Variants in PPCDC observed in about 807,000 individuals in gnomAD.
PPCDC encodes phosphopantothenoylcysteine decarboxylase.
Under a neutral mutation model 20.7 loss-of-function variants are expected in PPCDC, and 20 were observed. The ratio of observed to expected loss-of-function variants is 0.97; its 90% CI spans 0.68 to 1.41. PPCDC has a LOEUF of 1.41. Among genes scored for constraint, PPCDC ranks in the 40% most tolerant of loss-of-function variants. The pLI, the probability that PPCDC is intolerant of heterozygous loss-of-function variation, is 0.00. For missense variants in PPCDC, 246 were observed against 263.8 expected (o/e 0.93, Z 0.47); for synonymous variants, 88 against 100.3 (o/e 0.88, Z 0.73).
chr15:75,026,027 A>C (rs1462378365), intron 1 of PPCDC, among the ~76,000 whole-genome samples: 1 of 152,198 alleles, frequency 6.6e-6, no homozygotes, highest in Non-Finnish European at 1.5e-5. Context: ...ATTTCGGACT[A>C]TAGTGCCTGC....
chr15:75,042,790 AT>A (rs2066168909), intron 2 of PPCDC, among the ~76,000 whole-genome samples: 1 of 152,024 alleles, frequency 6.6e-6, no homozygotes, highest in Non-Finnish European at 1.5e-5. Flanking sequence ...TGCGTTAGTA[AT>A]TTCTTAGTGA....
intron 1 of PPCDC, 44 bp from the exon 2 acceptor site, chr15:75,028,203 G>A: frequency 7.3e-7 from 1 of 1,373,022 alleles, no homozygotes; most frequent in Non-Finnish European, 9.9e-7. Flanking sequence ...ATACATTCTG[G>A]TCGACTGTAT....
chr15:75,047,442 C>T (rs1426567568), intron 4 of PPCDC, among the ~76,000 whole-genome samples: 2 of 152,204 alleles, frequency 1.3e-5, no homozygotes, highest in Non-Finnish European at 2.9e-5. Context: ...GGGCATTGTT[C>T]TCTGGACTCC....
intron 2 of PPCDC, among the ~76,000 whole-genome samples, chr15:75,030,216 C>T (rs1285638903): frequency 1.3e-5 from 2 of 152,176 alleles, no homozygotes. Flanking sequence ...ATTCCTGCTG[C>T]CCATCCCCCA....
rs780732089 is a variant in PPCDC at position 75,043,566 on chromosome 15, C to T, written c.231+30C>T. Reference sequence around the variant, plus strand: ...GTGCTGGGGCCCCTGGGCTGAGTTCCATTGAGTTTCCACCAGCAGGACAGA... The same window carrying T: ...GTGCTGGGGCCCCTGGGCTGAGTTCTATTGAGTTTCCACCAGCAGGACAGA... On this transcript the variant is annotated intron_variant, in intron 3 of 5. Coordinates refer to ENST00000342932, the MANE Select transcript of PPCDC (RefSeq NM_021823.5). 6 of 1,540,968 alleles carry T rather than the reference C, an allele frequency of 3.9e-6. No homozygotes were observed. The Admixed American group carries it at 1.1e-4, about 28-fold the overall frequency.
intron 2 of PPCDC, among the ~76,000 whole-genome samples, chr15:75,028,924 G>A (rs2065989254): frequency 6.6e-6 from 1 of 152,148 alleles, no homozygotes; most frequent in South Asian, 2.1e-4. Context: ...CCCATTGTCT[G>A]AAGCTCTAGG....
Position 75,048,641 on chromosome 15 carries a change from C to G in PPCDC, c.449C>G (p.Ala150Gly). 1 of 1,614,250 alleles carries G rather than the reference C, an allele frequency of 6.2e-7. No individual in the cohort carries two copies. Among genetic ancestry groups the G allele is most frequent in the Non-Finnish European group, 8.5e-7 (1 of 1,180,044 alleles). The change falls in exon 5 of 6, where the codon GCG becomes GGG. Residue 150 changes from alanine to glycine, a missense_variant. Physicochemically the swap from Ala to Gly is moderately conservative, Grantham distance 60. Around this residue, in one of 2 missense-constraint regions of PPCDC, gnomAD observed 225 missense variants for 222.6 expected, o/e 1.01. Transcript: ENST00000342932. Reference protein sequence around the residue: ...NTAMWEHPITAQQVDQLKAFG... With the variant: ...NTAMWEHPITGQQVDQLKAFG... Reference sequence around the variant, plus strand: ...GCCATGTGGGAGCACCCGATCACAGCGCAGCAGGTAGACCAGCTCAAGGCC... The same window carrying G: ...GCCATGTGGGAGCACCCGATCACAGGGCAGCAGGTAGACCAGCTCAAGGCC...
chr15:75,041,190 A>G (rs894696035), intron 2 of PPCDC, among the ~76,000 whole-genome samples: 1 of 152,044 alleles, frequency 6.6e-6, no homozygotes, highest in Non-Finnish European at 1.5e-5. Flanking sequence ...TGCTCTCCCA[A>G]CCTGTGCTGG....
chr15:75,032,737 A>ACCCCC (rs2066039033), intron 2 of PPCDC, among the ~76,000 whole-genome samples: 1 of 20,496 alleles, frequency 4.9e-5, no homozygotes, highest in African/African-American at 1.1e-4. Context: ...CCCCCCCCCA[A>ACCCCC]GGCCAAATTC....
intron 1 of PPCDC, among the ~76,000 whole-genome samples, chr15:75,027,291 A>T (rs1375473129): frequency 6.6e-6 from 1 of 152,114 alleles, no homozygotes; most frequent in Non-Finnish European, 1.5e-5. Context: ...GTCCTCAGTG[A>T]TGGTTGCTGA....
rs1264323704 is a variant in PPCDC at position 75,050,375 on chromosome 15, A to G, written c.*1140A>G. Reference sequence around the variant, plus strand: ...CCCCCCAGTACACATGACCAAGGGAAGTAGATCCAGAGACACCATGCACTC... The same window carrying G: ...CCCCCCAGTACACATGACCAAGGGAGGTAGATCCAGAGACACCATGCACTC... On this transcript the variant is annotated 3_prime_UTR_variant, in exon 6 of 6. Coordinates refer to ENST00000342932, the MANE Select transcript of PPCDC (RefSeq NM_021823.5). 3 of 152,320 alleles carry G rather than the reference A, an allele frequency of 2.0e-5. No individual in the cohort carries two copies. Among genetic ancestry groups the G allele is most frequent in the African/African-American group, 4.8e-5 (2 of 41,478 alleles). 9.4% of individuals were successfully genotyped at this position (152,320 alleles called of 1,614,324 possible). A position where few individuals can be genotyped will look rare whatever the true frequency, so the allele number is the denominator to read the frequency against.
intron 4 of PPCDC, among the ~76,000 whole-genome samples, chr15:75,045,788 G>A (rs1266647905): frequency 6.6e-6 from 1 of 152,086 alleles, no homozygotes; most frequent in Admixed American, 6.5e-5. Context: ...GGAGGCTGAG[G>A]TGGGAGGGTC....
At chr15:75,038,743 AT>A (rs953724845) in intron 2 of PPCDC, among the ~76,000 whole-genome samples, 67 of 148,214 alleles carry the variant, frequency 4.5e-4, no homozygotes, top group East Asian at 2.8e-3. Flanking sequence ...ATTTAATTTA[AT>A]TTTTTTTTTG....
chr15:75,028,318 C>A lies in PPCDC; in HGVS notation c.-1C>A. 1 of 1,614,046 alleles carries A rather than the reference C, an allele frequency of 6.2e-7. No individual in the cohort carries two copies. Among genetic ancestry groups the A allele is most frequent in the African/African-American group, 1.3e-5 (1 of 75,034 alleles). ...CAGAACTTGAAGCCACCAGACCCCA[C>A]ATGGAACCAAAGGCCTCCTGTCCAG... On this transcript the variant is annotated 5_prime_UTR_variant, in exon 2 of 6. Coordinates refer to ENST00000342932, the MANE Select transcript of PPCDC (RefSeq NM_021823.5).
chr15:75,046,823 C>T (rs756463913), intron 4 of PPCDC, among the ~76,000 whole-genome samples: 5 of 152,260 alleles, frequency 3.3e-5, no homozygotes, highest in Admixed American at 2.0e-4. Context: ...CCTCCAGGCC[C>T]GTGTCCCTCT....
In PPCDC at chr15:75,030,943, A is replaced by G. The variant is rs1032655641; in HGVS notation, c.135+2490A>G. ...TGGTGGAGAGACATGGATTAGCCAC[A>G]AGCCACACACACCAGCAGTCAGGGA... On this transcript the variant is annotated intron_variant, in intron 2 of 5. Transcript: ENST00000342932. Among the ~76,000 whole-genome samples the G allele has an allele frequency of 4.6e-5, 7 of 152,268 alleles. No individual in the cohort carries two copies. In the East Asian group the frequency reaches 1.4e-3, roughly 29 times the overall value.
chr15:75,049,127 C>T (rs768229317), intron 5 of PPCDC, 23 bp from the exon 6 acceptor site: 3 of 1,608,164 alleles, frequency 1.9e-6, no homozygotes, highest in Non-Finnish European at 2.6e-6. Flanking sequence ...GCCTGTCTGG[C>T]CACAGCGGAA....
At chr15:75,032,978 C>T (rs4627301) in intron 2 of PPCDC, among the ~76,000 whole-genome samples, 128,335 of 151,718 alleles carry the variant, frequency 0.85, 55,762 homozygotes, top group Non-Finnish European at 0.95. Flanking sequence ...TTTTTGCATT[C>T]TTTTTGTAGA....
intron 2 of PPCDC, among the ~76,000 whole-genome samples, chr15:75,029,302 T>C (rs1046219919): frequency 2.0e-5 from 3 of 152,172 alleles, no homozygotes; most frequent in Non-Finnish European, 4.4e-5. Flanking sequence ...TTTAAACTTA[T>C]TTGACATAGA....
Sources: gnomAD v4.1 joint callset for allele counts (sites outside exome capture counted in the v4.1 genomes callset) on GRCh38, gnomAD v4.1.1 for gene constraint, gnomAD v4.1.1 regional missense constraint, MANE v1.5 for transcripts, NCBI Gene and HGNC (gene_info 2026-07-23, HGNC 2026-07-21) for gene names.